PDE8B: variants seen among roughly 807,000 people sequenced by gnomAD.
PDE8B encodes phosphodiesterase 8B.
A neutral mutation model predicts 101.3 loss-of-function variants in PDE8B; 26 were observed. The observed-to-expected ratio is 0.26, with a 90% CI of 0.19 to 0.36. The LOEUF is 0.36. Among genes scored for constraint, PDE8B ranks in the 10% least tolerant of loss-of-function variants. The pLI is 1.00. For missense variants in PDE8B, 810 were observed against 1,163.1 expected, an observed-to-expected ratio of 0.70 and a Z score of 4.42; for synonymous variants, 424 against 429.3, an observed-to-expected ratio of 0.99 and a Z score of 0.15.
chr5:77,422,130 C>G, intron 20 of PDE8B, 142 bp downstream of exon 20: 9 of 886,788 alleles, frequency 1.0e-5, no homozygotes, highest in Admixed American at 2.0e-5. Context: ...CTTACCCCCA[C>G]CTGGGGTAGG....
intron 10 of PDE8B, among the ~76,000 whole-genome samples, chr5:77,363,626 C>T (rs907107719): frequency 2.6e-5 from 4 of 151,156 alleles, no homozygotes; most frequent in African/African-American, 9.7e-5. Flanking sequence ...GCAGGAGACT[C>T]ACTTGAATCC....
At chr5:77,275,979 T>C (rs923130252) in intron 1 of PDE8B, among the ~76,000 whole-genome samples, 1 of 152,234 alleles carries the variant, frequency 6.6e-6, no homozygotes, top group Non-Finnish European at 1.5e-5. Context: ...TTATCCTTTA[T>C]ACTGAATTAA....
At chr5:77,172,177 TAACTC>T in the PDE8B span, among the ~76,000 whole-genome samples, 4 of 152,124 alleles carry the variant, frequency 2.6e-5, no homozygotes, top group African/African-American at 7.2e-5. Context: ...CATAAAATAA[TAACTC>T]AACTAGATTG....
the PDE8B span, among the ~76,000 whole-genome samples, chr5:77,117,842 A>G: frequency 1.4e-4 from 22 of 152,132 alleles, no homozygotes; most frequent in Non-Finnish European, 2.8e-4. Flanking sequence ...TTTTCAACCA[A>G]TAGTTACTGA....
chr5:77,422,677 T>C (rs1796924604), intron 20 of PDE8B, among the ~76,000 whole-genome samples: 2 of 152,190 alleles, frequency 1.3e-5, no homozygotes, highest in African/African-American at 2.4e-5. Flanking sequence ...TAAATGGACA[T>C]GTGAAAACAG....
chr5:77,324,554 T>C (rs1561527866), intron 2 of PDE8B, among the ~76,000 whole-genome samples: 1 of 152,192 alleles, frequency 6.6e-6, no homozygotes, highest in African/African-American at 2.4e-5. Flanking sequence ...GCTACCTTCT[T>C]TTCTGTGGGT....
At chr5:77,336,728 T>C (rs1184055755) in intron 5 of PDE8B, among the ~76,000 whole-genome samples, 1 of 152,200 alleles carries the variant, frequency 6.6e-6, no homozygotes, top group Non-Finnish European at 1.5e-5. Flanking sequence ...TTCAGTTCTT[T>C]TGAGTATATA....
intron 1 of PDE8B, among the ~76,000 whole-genome samples, chr5:77,304,378 G>A (rs937406110): frequency 5.3e-5 from 8 of 152,014 alleles, no homozygotes; most frequent in African/African-American, 1.9e-4. Context: ...GTTTTTGGCT[G>A]TCTTCTTACT....
intron 1 of PDE8B, among the ~76,000 whole-genome samples, chr5:77,279,577 C>T (rs1272740010): frequency 6.6e-6 from 1 of 152,154 alleles, no homozygotes; most frequent in Non-Finnish European, 1.5e-5. Flanking sequence ...CTGTGTGTCA[C>T]GTGTTTTCTA....
chr5:77,264,815 G>C (rs1761349344), intron 1 of PDE8B, among the ~76,000 whole-genome samples: 1 of 152,134 alleles, frequency 6.6e-6, no homozygotes, highest in African/African-American at 2.4e-5. Flanking sequence ...TGCAATAGGA[G>C]ATCAGCTTTG....
chr5:77,095,580 G>A, the PDE8B span, among the ~76,000 whole-genome samples: 1 of 152,138 alleles, frequency 6.6e-6, no homozygotes, highest in South Asian at 2.1e-4. Flanking sequence ...TTGGTGTTGG[G>A]CATTGTTTGT....
chr5:77,116,224 A>ATTTTTTTTT, the PDE8B span, among the ~76,000 whole-genome samples: 3 of 59,608 alleles, frequency 5.0e-5, no homozygotes, highest in African/African-American at 1.4e-4. Flanking sequence ...ATATATATAT[A>ATTTTTTTTT]TTTTTTTTTT....
intron 10 of PDE8B, among the ~76,000 whole-genome samples, chr5:77,364,372 A>G (rs1783723013): frequency 6.6e-6 from 1 of 152,220 alleles, no homozygotes; most frequent in Admixed American, 6.5e-5. Flanking sequence ...ACATAAGATT[A>G]GACTCAAGCG....
intron 2 of PDE8B, among the ~76,000 whole-genome samples, chr5:77,318,075 A>C (rs75383810): frequency 6.6e-6 from 1 of 151,272 alleles, no homozygotes; most frequent in African/African-American, 2.4e-5. Flanking sequence ...AAAAAAAAAA[A>C]AACACAACAA....
intron 8 of PDE8B, 133 bp downstream of exon 8, chr5:77,349,692 C>A: frequency 9.7e-7 from 1 of 1,034,978 alleles, no homozygotes; most frequent in Non-Finnish European, 1.5e-6. Flanking sequence ...ATTATGTTTG[C>A]AAAATGAGTT....
chr5:77,311,980 T>C lies in PDE8B; in HGVS notation c.340-14T>C, dbSNP rs1399099334. The stretch of plus-strand genomic sequence containing the variant: ...TTAAGACTTGACGCTTCTCTTGTGC[T>C]GTCCTTTATTTAGCAGGTGTCTTCT... On this transcript the variant is annotated splice_polypyrimidine_tract_variant and intron_variant, in intron 1 of 21. Transcript: ENST00000264917. The C allele has an allele frequency of 1.2e-6, 2 of 1,610,200 alleles. No individual in the cohort carries two copies. Among genetic ancestry groups the C allele is most frequent in the African/African-American group, 1.3e-5 (1 of 74,874 alleles).
At chr5:77,227,580 G>A (rs1186780357) in intron 1 of PDE8B, among the ~76,000 whole-genome samples, 1 of 152,118 alleles carries the variant, frequency 6.6e-6, no homozygotes, top group East Asian at 1.9e-4. Flanking sequence ...GAAAGATGGA[G>A]AAAATGATAT....
chr5:77,230,065 G>T (rs897624468), intron 1 of PDE8B, among the ~76,000 whole-genome samples: 2 of 152,130 alleles, frequency 1.3e-5, no homozygotes, highest in African/African-American at 2.4e-5. Flanking sequence ...ATGTATGAGG[G>T]TCTCTATTTC....
intron 10 of PDE8B, among the ~76,000 whole-genome samples, chr5:77,385,795 GTTTT>G (rs35717428): frequency 1.9e-5 from 2 of 107,990 alleles, no homozygotes; most frequent in Non-Finnish European, 3.5e-5. Flanking sequence ...AGTGAGTGAG[GTTTT>G]TTTTTTTTTT....
Sources: gnomAD v4.1 joint callset for allele counts (sites outside exome capture counted in the v4.1 genomes callset) on GRCh38, gnomAD v4.1.1 for gene constraint, MANE v1.5 for transcripts, NCBI Gene and HGNC (gene_info 2026-07-23, HGNC 2026-07-21) for gene names.